The following CENPV variants were observed in gnomAD, a reference collection of about 807,000 sequenced individuals.
CENPV encodes nuclear protein p30.
CENPV carries 15 observed loss-of-function variants against 26.4 expected under a neutral mutation model. That is an observed-to-expected ratio of 0.57 (90% CI 0.38 to 0.88). CENPV has a LOEUF of 0.88. Among genes scored for constraint, CENPV ranks in the 40% least tolerant of loss-of-function variants. CENPV has a pLI of 0.00. For missense variants in CENPV, 336 were observed against 376.5 expected (o/e 0.89, Z 0.89); for synonymous variants, 172 against 165.5 (o/e 1.04, Z -0.30).
intron 1 of CENPV, chr17:16,351,470 A>G (rs1341323744): frequency 6.6e-6 from 1 of 152,134 alleles, no homozygotes; most frequent in Non-Finnish European, 1.5e-5. Context: ...ACGTTTATGT[A>G]TTTTAATTTT....
intron 3 of CENPV, chr17:16,348,227 GCTCAC>G: frequency 6.1e-6 from 1 of 163,888 alleles, no homozygotes. Flanking sequence ...TGTGATCTCG[GCTCAC>G]TGCAACCTCC....
intron 3 of CENPV, among the ~76,000 whole-genome samples, chr17:16,345,175 T>C (rs2093200562): frequency 6.8e-6 from 1 of 146,562 alleles, no homozygotes; most frequent in Non-Finnish European, 1.5e-5. Flanking sequence ...GGCAGGAGAA[T>C]GGCATGAACC....
At chr17:16,350,326 TTA>T (rs1301976972) in intron 1 of CENPV, among the ~76,000 whole-genome samples, 4 of 152,114 alleles carry the variant, frequency 2.6e-5, no homozygotes, top group African/African-American at 9.7e-5. Flanking sequence ...ACATTTTTAT[TTA>T]TATGTCAAAT....
chr17:16,345,569 G>A (rs2093203158), intron 3 of CENPV, among the ~76,000 whole-genome samples: 1 of 151,956 alleles, frequency 6.6e-6, no homozygotes, highest in Non-Finnish European at 1.5e-5. Flanking sequence ...AATGGCAGGA[G>A]CTCTTCTGTA....
intron 3 of CENPV, 100 bp downstream of exon 3, chr17:16,348,516 C>T (rs1307883316): frequency 6.3e-7 from 1 of 1,578,574 alleles, no homozygotes; most frequent in African/African-American, 1.4e-5. Flanking sequence ...TGCTCCAGGC[C>T]CCTCCCATGC....
chr17:16,352,376 G>C (rs1263434155), intron 1 of CENPV, among the ~76,000 whole-genome samples: 1 of 152,192 alleles, frequency 6.6e-6, no homozygotes, highest in African/African-American at 2.4e-5. Context: ...GCGGCAGGGA[G>C]CATTAGCTGG....
intron 1 of CENPV, 62 bp from the exon 2 acceptor site, chr17:16,350,091 T>C (rs1213318512): frequency 3.2e-6 from 5 of 1,573,896 alleles, no homozygotes; most frequent in Non-Finnish European, 3.4e-6. Flanking sequence ...GCTCTCTTTT[T>C]GTTGCTGAAA....
rs772935654 is a variant in CENPV, at chr17:16,353,388, G to A, written c.49C>T (p.Arg17Trp). 3 of 616,416 alleles carry A rather than the reference G, an allele frequency of 4.9e-6. No homozygotes were observed. The highest frequency in any genetic ancestry group is 9.3e-5 in the South Asian group (1 of 10,810). The allele number at this position is 616,416 out of a possible 1,614,324, so 38.2% of individuals were successfully genotyped here. A position where few individuals can be genotyped will look rare whatever the true frequency, so the allele number is the denominator to read the frequency against. Residue 17 changes from arginine (R) to tryptophan (W), a missense_variant, in exon 1 of 5, where the codon CGG becomes TGG. By Grantham distance (101) the Arg-to-Trp change is moderately radical. Around this residue, in one of 2 missense-constraint regions of CENPV, gnomAD observed 181 missense variants for 148.8 expected, o/e 1.22. Coordinates refer to ENST00000299736, the MANE Select transcript of CENPV (RefSeq NM_181716.3). Reference protein sequence around the residue: ...SAAAKLRGQKRSGASAAPAAS... With the variant: ...SAAAKLRGQKWSGASAAPAAS... Reference sequence around the variant, plus strand: ...GCGGGGGCCGCGGAGGCCCCGGACCGCTTCTGCCCGCGCAGCTTGGCGGCC... The same window carrying A: ...GCGGGGGCCGCGGAGGCCCCGGACCACTTCTGCCCGCGCAGCTTGGCGGCC...
chr17:16,348,494 G>C, intron 3 of CENPV, 122 bp downstream of exon 3: 1 of 1,529,854 alleles, frequency 6.5e-7, no homozygotes, highest in African/African-American at 1.4e-5. Context: ...AAGCCCGTGA[G>C]AGGCCCTGCT....
In CENPV at chr17:16,348,643, A is replaced by T. The variant is rs1310298838; in HGVS notation, c.552T>A (p.Val184=). The T allele has an allele frequency of 3.1e-6, 5 of 1,614,116 alleles. No individual in the cohort carries two copies. Among genetic ancestry groups the T allele is most frequent in the Middle Eastern group, 1.6e-4 (1 of 6,062 alleles). The change falls in exon 3 of 5, where the codon GTT becomes GTA. Residue 184 remains valine (V), a synonymous_variant. Transcript: ENST00000299736. ...TCAGGAGCTTGAAGCGAGAAGCTGG[A>T]ACAATGAAGTGTCTATTCTGCTTCT... ...CKKKQNRHFI[V]PASRFKLLKG... is the part of the protein sequence containing the mutation.
chr17:16,353,429 C>A lies in CENPV; in HGVS notation c.8G>T (p.Arg3Leu). The change falls in exon 1 of 5, where the codon CGA becomes CTA. Residue 3 changes from arginine to leucine, a missense_variant. Transcript: ENST00000299736. MR[R>L]SRSSAAAKLR... ...CTTGGCGGCCGCAGAGCTCCTCGAT[C>A]GCCGCATGGCTCCCGCAGCCTGGCG... is the stretch of plus-strand genomic sequence containing the variant. 8.7e-7 allele frequency: 1 copy of A among 1,153,398 alleles called. No homozygotes were observed. The highest frequency in any genetic ancestry group is 1.1e-6 in the Non-Finnish European group (1 of 939,128). 71.4% of individuals were successfully genotyped at this position (1,153,398 alleles called of 1,614,324 possible).
intron 4 of CENPV, among the ~76,000 whole-genome samples, chr17:16,343,704 G>A (rs2093192396): frequency 6.6e-6 from 1 of 152,120 alleles, no homozygotes. Flanking sequence ...TGACAGATGA[G>A]GAACAGGAGG....
chr17:16,349,496 G>A (rs2093220719), intron 2 of CENPV: 2 of 987,264 alleles, frequency 2.0e-6, no homozygotes, highest in Non-Finnish European at 2.4e-6. Flanking sequence ...CCGAAGAGCA[G>A]AGCGAGAGTG....
In CENPV at chr17:16,342,953, T is replaced by C. The variant is rs202110735; in HGVS notation, c.695-12A>G. ...GTGGGGGGCAATTCCTACGAGAAAG[T>C]GGCACAGACAAAGGGGGATCCTCAG... On this transcript the variant is annotated splice_polypyrimidine_tract_variant and intron_variant, in intron 4 of 4. Coordinates refer to ENST00000299736, the MANE Select transcript of CENPV (RefSeq NM_181716.3). The C allele has an allele frequency of 6.2e-7, 1 of 1,613,930 alleles. No homozygotes were observed. The highest frequency in any genetic ancestry group is 2.2e-5 in the East Asian group (1 of 44,878).
intron 4 of CENPV, 76 bp downstream of exon 4, chr17:16,344,521 C>A: frequency 1.3e-6 from 1 of 789,230 alleles, no homozygotes; most frequent in South Asian, 2.5e-5. Flanking sequence ...CCCACCTGTC[C>A]AAATAAGACT....
intron 4 of CENPV, 35 bp from the exon 5 acceptor site, chr17:16,342,976 C>T: frequency 6.2e-7 from 1 of 1,613,640 alleles, no homozygotes; most frequent in Non-Finnish European, 8.5e-7. Context: ...GGGGGATCCT[C>T]AGTATGGGTG....
chr17:16,349,833 A>G (rs1302558561), intron 2 of CENPV, 98 bp downstream of exon 2: 8 of 1,515,386 alleles, frequency 5.3e-6, no homozygotes, highest in African/African-American at 2.8e-5. Flanking sequence ...CCCAAGGCCA[A>G]TGTTTCCTCT....
Position 16,348,981 on chromosome 17 carries a change from C to G in CENPV, c.510-296G>C, listed in dbSNP as rs569598454. ...CTTTACAGTGAAGAGAAGCGCTGGA[C>G]TTCAGAGACACTTAGGAAACAAATT... On this transcript the variant is annotated intron_variant, in intron 2 of 4. Coordinates refer to ENST00000299736, the MANE Select transcript of CENPV (RefSeq NM_181716.3). The G allele has an allele frequency of 1.4e-5, 15 of 1,086,676 alleles. No homozygotes were observed. In the South Asian group the frequency reaches 4.3e-4, roughly 31 times the overall value. 67.3% of individuals were successfully genotyped at this position (1,086,676 alleles called of 1,614,324 possible).
chr17:16,346,517 A>C (rs2093553174), intron 3 of CENPV, among the ~76,000 whole-genome samples: 1 of 152,156 alleles, frequency 6.6e-6, no homozygotes. Flanking sequence ...TTGGGAGGCC[A>C]AGGTGGGCAG....
Sources: gnomAD v4.1 joint callset for allele counts (sites outside exome capture counted in the v4.1 genomes callset) on GRCh38, gnomAD v4.1.1 for gene constraint, gnomAD v4.1.1 regional missense constraint, MANE v1.5 for transcripts, NCBI Gene and HGNC (gene_info 2026-07-23, HGNC 2026-07-21) for gene names.